Variants in TRIP12 observed in about 807,000 individuals in gnomAD.
The protein encoded by TRIP12 is thyroid hormone receptor interactor 12, also known as E3 ubiquitin-protein ligase TRIP12.
TRIP12 carries 25 observed loss-of-function variants against 244.2 expected under a neutral mutation model. The observed-to-expected ratio is 0.10, with a 90% CI of 0.07 to 0.14. TRIP12 has a LOEUF of 0.14. Among genes scored for constraint, TRIP12 ranks in the 10% least tolerant of loss-of-function variants. TRIP12 has a pLI of 1.00. For synonymous variants in TRIP12, 905 were observed against 873.1 expected (o/e 1.04, Z -0.64); for missense variants, 1,677 against 2,486.4 (o/e 0.67, Z 6.92).
rs370487104 is a variant in TRIP12, at chr2:229,808,211, C to T, written c.2339+41G>A. The T allele has an allele frequency of 9.0e-6, 13 of 1,443,614 alleles. No individual in the cohort carries two copies. The African/African-American group carries it at 1.5e-4, about 17-fold the overall frequency. 89.4% of individuals were successfully genotyped at this position (1,443,614 alleles called of 1,614,324 possible). A position where few individuals can be genotyped will look rare whatever the true frequency, so the allele number is the denominator to read the frequency against. On this transcript the variant is annotated intron_variant, in intron 16 of 41. Coordinates refer to ENST00000675903, the MANE Select transcript of TRIP12 (RefSeq NM_001348323.3). ...TCGAACTCCTGACCTCGTGATTCAC[C>T]CGCCTTGGCCTCCCAAAGTGATATT...
chr2:229,813,932 G>A lies in TRIP12; in HGVS notation c.1924C>T (p.Pro642Ser). ...IAANCCQSIT[P>S]DEFHFVADSL... ...TCTGCCACAAAATGAAATTCATCTG[G>A]CGTGATACTCTGGCAGCAATTAGCT... Residue 642 changes from proline to serine, a missense_variant, in exon 13 of 42, where the codon CCA becomes TCA. Physicochemically the swap from Pro to Ser is moderately conservative, Grantham distance 74. This residue lies in a region of TRIP12 where 572 missense variants were observed against 867.8 expected (regional missense o/e 0.66). Transcript: ENST00000675903. 1 of 1,598,674 alleles carries A rather than the reference G, an allele frequency of 6.3e-7. No homozygotes were observed. Among genetic ancestry groups the A allele is most frequent in the South Asian group, 1.1e-5 (1 of 89,552 alleles).
rs1212707234 is a variant in TRIP12 at position 229,920,558 on chromosome 2, C to A, written c.-50+1322G>T. Among the ~76,000 whole-genome samples, 5 of 152,076 alleles carry A rather than the reference C, an allele frequency of 3.3e-5. No individual in the cohort carries two copies. The East Asian group carries it at 9.6e-4, about 29-fold the overall frequency. On this transcript the variant is annotated intron_variant, in intron 1 of 41. Transcript: ENST00000675903. ...ATTAAACTATGCCCACCACCAGACT[C>A]GATGCTTAGGCTAAACCTCCCCCAA...
intron 34 of TRIP12, among the ~76,000 whole-genome samples, chr2:229,784,435 T>A (rs193088915): frequency 6.7e-6 from 1 of 148,794 alleles, no homozygotes; most frequent in African/African-American, 2.5e-5. Flanking sequence ...CTATAAAACT[T>A]CTAGAAAAAC....
At chr2:229,894,569 GT>G (rs1401370013) in intron 1 of TRIP12, 1 of 152,076 alleles carries the variant, frequency 6.6e-6, no homozygotes, top group Non-Finnish European at 1.5e-5. Flanking sequence ...AAGTTGCCTT[GT>G]TGCTAAAAAA....
chr2:229,842,612 A>C (rs187847749), intron 4 of TRIP12, among the ~76,000 whole-genome samples: 69 of 152,348 alleles, frequency 4.5e-4, no homozygotes, highest in African/African-American at 1.6e-3. Flanking sequence ...ATAACAAAGC[A>C]CTTAAAAAAA....
intron 36 of TRIP12, 138 bp from the exon 37 acceptor site, chr2:229,777,617 T>C: frequency 2.4e-6 from 2 of 830,684 alleles, no homozygotes; most frequent in East Asian, 5.2e-5. Flanking sequence ...AGTTACAAAC[T>C]ATTTCTCCCA....
chr2:229,893,031 CTTTT>C (rs2067776498), intron 1 of TRIP12, among the ~76,000 whole-genome samples: 1 of 152,174 alleles, frequency 6.6e-6, no homozygotes, highest in African/African-American at 2.4e-5. Flanking sequence ...TTTGATTCTT[CTTTT>C]ACTTCTCACT....
chr2:229,806,094 C>T (rs1409010631), intron 17 of TRIP12: 14 of 399,980 alleles, frequency 3.5e-5, no homozygotes, highest in East Asian at 2.8e-4. Flanking sequence ...TTACATGCCT[C>T]AAGCCTTATC....
chr2:229,791,125 G>A lies in TRIP12; in HGVS notation c.4542C>T (p.His1514=), dbSNP rs143446404. 154 of 1,613,892 alleles carry A rather than the reference G, an allele frequency of 9.5e-5. No individual in the cohort carries two copies. The highest frequency in any genetic ancestry group is 1.2e-4 in the Non-Finnish European group (146 of 1,179,922). The part of the protein sequence containing the change: ...RNAKKHDELW[H]DGVCPSVSNP... ...TTTCCCCTTTATCTACCATCTTACC[G>A]TGCCATAACTCATCATGCTTTTTTG... is the stretch of plus-strand genomic sequence containing the variant. Residue 1514 remains histidine (H), a splice_region_variant and synonymous_variant, in exon 30 of 42, where the codon CAC becomes CAT. Transcript: ENST00000675903.
In TRIP12 at chr2:229,797,681, A is replaced by G. The variant is rs761236344; in HGVS notation, c.3624+9T>C. 2 of 1,613,174 alleles carry G rather than the reference A, an allele frequency of 1.2e-6. No homozygotes were observed. The highest frequency in any genetic ancestry group is 1.7e-6 in the Non-Finnish European group (2 of 1,179,560). ...GAAAAAGACCAGCAAAATGCACTGG[A>G]CACAGCACCTGGAGGTTGAGTTGTT... On this transcript the variant is annotated intron_variant, in intron 24 of 41. Coordinates refer to ENST00000675903, the MANE Select transcript of TRIP12 (RefSeq NM_001348323.3).
chr2:229,781,367 C>A (rs1407231004), intron 34 of TRIP12, among the ~76,000 whole-genome samples: 1 of 152,244 alleles, frequency 6.6e-6, no homozygotes, highest in Non-Finnish European at 1.5e-5. Context: ...CACATACTGG[C>A]ACTTATTATG....
intron 36 of TRIP12, among the ~76,000 whole-genome samples, chr2:229,777,814 T>G (rs566614558): frequency 6.6e-6 from 1 of 152,332 alleles, no homozygotes; most frequent in African/African-American, 2.4e-5. Context: ...AATTGTAAAC[T>G]TGTCAATTTG....
At chr2:229,914,345 A>G (rs1037571806) in intron 1 of TRIP12, among the ~76,000 whole-genome samples, 3 of 152,222 alleles carry the variant, frequency 2.0e-5, no homozygotes, top group African/African-American at 7.2e-5. Context: ...ATCTGATTGC[A>G]GCCAAGGATG....
intron 34 of TRIP12, among the ~76,000 whole-genome samples, chr2:229,779,782 A>T (rs748831897): frequency 6.6e-6 from 1 of 152,172 alleles, no homozygotes; most frequent in Non-Finnish European, 1.5e-5. Context: ...TTATTAAACA[A>T]GTTCTGAAGG....
At chr2:229,846,439 T>A (rs1459571934) in intron 4 of TRIP12, among the ~76,000 whole-genome samples, 1 of 152,212 alleles carries the variant, frequency 6.6e-6, no homozygotes, top group African/African-American at 2.4e-5. Context: ...CAATAAAATA[T>A]TTTTAACTAA....
At chr2:229,829,135 T>C in intron 8 of TRIP12, 58 bp downstream of exon 8, 1 of 1,496,244 alleles carries the variant, frequency 6.7e-7, no homozygotes, top group East Asian at 2.3e-5. Flanking sequence ...AGGTTACAAG[T>C]AACAATAGCA....
chr2:229,790,472 T>G (rs2041184417), intron 30 of TRIP12, among the ~76,000 whole-genome samples: 1 of 151,124 alleles, frequency 6.6e-6, no homozygotes, highest in South Asian at 2.1e-4. Flanking sequence ...TACAGGGCCC[T>G]TTTCTGTGGA....
intron 25 of TRIP12, among the ~76,000 whole-genome samples, chr2:229,796,186 G>GT (rs954155767): frequency 6.6e-6 from 1 of 152,138 alleles, no homozygotes; most frequent in African/African-American, 2.4e-5. Context: ...TGTTACAACT[G>GT]TATTTTATGT....
intron 1 of TRIP12, among the ~76,000 whole-genome samples, chr2:229,916,066 G>C: frequency 6.6e-6 from 1 of 152,172 alleles, no homozygotes; most frequent in East Asian, 1.9e-4. Flanking sequence ...ATGAGGCAAT[G>C]GTCCACAGTA....
Sources: gnomAD v4.1 joint callset for allele counts (sites outside exome capture counted in the v4.1 genomes callset) on GRCh38, gnomAD v4.1.1 for gene constraint, gnomAD v4.1.1 regional missense constraint, MANE v1.5 for transcripts, NCBI Gene and HGNC (gene_info 2026-07-23, HGNC 2026-07-21) for gene names.